Variants in SMPD1 observed in about 807,000 individuals in gnomAD.
SMPD1 encodes the protein sphingomyelin phosphodiesterase.
Under a neutral mutation model 49.7 loss-of-function variants are expected in SMPD1, and 47 were observed. The observed-to-expected ratio is 0.95, with a 90% CI of 0.75 to 1.21. SMPD1 has a LOEUF of 1.21. SMPD1 is among the 50% of genes most tolerant of loss of function. SMPD1 has a pLI of 0.00. For synonymous variants in SMPD1, 336 were observed against 339.6 expected (o/e 0.99, Z 0.12); for missense variants, 811 against 822.2 (o/e 0.99, Z 0.17).
chr11:6,393,279 T>C lies in SMPD1; in HGVS notation c.1155T>C (p.Asn385=), dbSNP rs1419972709. 6.2e-7 allele frequency: 1 copy of C among 1,613,906 alleles called. No homozygotes were observed. Among genetic ancestry groups the C allele is most frequent in the Non-Finnish European group, 8.5e-7 (1 of 1,179,830 alleles). The change falls in exon 3 of 6, where the codon AAT becomes AAC. Residue 385 remains asparagine (N), a synonymous_variant. Transcript: ENST00000342245. ...TCCGCCTCATCTCTCTCAATATGAATTTTTGTTCCCGTGAGAACTTCTGGC... is the reference window on the plus strand; with the variant it reads ...TCCGCCTCATCTCTCTCAATATGAACTTTTGTTCCCGTGAGAACTTCTGGC... ...PGLRLISLNM[N]FCSRENFWLL...
chr11:6,393,412 G>A (rs778259545), intron 3 of SMPD1, 25 bp downstream of exon 3: 3 of 1,604,236 alleles, frequency 1.9e-6, no homozygotes, highest in South Asian at 1.1e-5. Context: ...TGGGAACACG[G>A]TGGTGCTGGG....
At chr11:6,391,313 T>G in intron 1 of SMPD1, 71 bp from the exon 2 acceptor site, 1 of 1,500,404 alleles carries the variant, frequency 6.7e-7, no homozygotes, top group African/African-American at 1.4e-5. Flanking sequence ...GCCCAAGGGG[T>G]GGTGGCCAGG....
Position 6,390,908 on chromosome 11 carries a change from G to T in SMPD1, c.310G>T (p.Gly104Trp), listed in dbSNP as rs527767942. The change falls in exon 1 of 6, where the codon GGG becomes TGG. Residue 104 changes from glycine (G) to tryptophan (W), a missense_variant. Physicochemically the swap from Gly to Trp is radical, Grantham distance 184 (BLOSUM62 -2). Coordinates refer to ENST00000342245, the MANE Select transcript of SMPD1 (RefSeq NM_000543.5). ...CKGLFTAINL[G>W]LKKEPNVARV... Reference sequence around the variant, plus strand: ...AGGTCTATTCACCGCCATCAACCTCGGGCTGAAGGTGAGCACTGAAGGGGC... The same window carrying T: ...AGGTCTATTCACCGCCATCAACCTCTGGCTGAAGGTGAGCACTGAAGGGGC... 2.5e-6 allele frequency: 4 copies of T among 1,614,126 alleles called. No homozygotes were observed. The highest frequency in any genetic ancestry group is 1.1e-5 in the South Asian group (1 of 91,078).
intron 3 of SMPD1, 78 bp downstream of exon 3, chr11:6,393,465 G>A: frequency 2.6e-6 from 4 of 1,525,428 alleles, no homozygotes; most frequent in Non-Finnish European, 3.6e-6. Context: ...TCTGGGCACA[G>A]AAGTTTTATT....
In SMPD1 at chr11:6,390,753, C is replaced by G. The variant is rs778362370; in HGVS notation, c.155C>G (p.Ser52Cys). Reference protein sequence around the residue: ...ALALALALSDSRVLWAPAEAH... With the variant: ...ALALALALSDCRVLWAPAEAH... ...GCGCTGGCGCTGGCTCTGTCTGACT[C>G]TCGGGTTCTCTGGGCTCCGGCAGAG... The change falls in exon 1 of 6, where the codon TCT becomes TGT. Residue 52 changes from serine to cysteine, a missense_variant. Transcript: ENST00000342245. 6.2e-7 allele frequency: 1 copy of G among 1,614,082 alleles called. No homozygotes were observed. The highest frequency in any genetic ancestry group is 1.1e-5 in the South Asian group (1 of 91,090).
rs147607780 is a variant in SMPD1 at position 6,391,588 on chromosome 11, T to A, written c.523T>A (p.Ser175Thr). 6.2e-7 allele frequency: 1 copy of A among 1,610,832 alleles called. No individual in the cohort carries two copies. The highest frequency in any genetic ancestry group is 1.7e-5 in the Admixed American group (1 of 59,644). ...CTGTGGGCACTGGGACATTTTCTCA[T>A]CTTGGAACATCTCTTTGCCTACTGT... is the stretch of plus-strand genomic sequence containing the variant. ...STCGHWDIFS[S>T]WNISLPTVPK... The change falls in exon 2 of 6, where the codon TCT becomes ACT. Residue 175 changes from serine to threonine, a missense_variant. Physicochemically the swap from Ser to Thr is moderately conservative, Grantham distance 58. Transcript: ENST00000342245.
Position 6,393,215 on chromosome 11 carries a change from G to A in SMPD1, c.1092-1G>A. Reference sequence around the variant, plus strand: ...GACCTCTCATGTTTACTTTGTTTCAGAATTGGGGGGTTCTATGCTCTTTCC... The same window carrying A: ...GACCTCTCATGTTTACTTTGTTTCAAAATTGGGGGGTTCTATGCTCTTTCC... On this transcript the variant is annotated splice_acceptor_variant, in intron 2 of 5. Coordinates refer to ENST00000342245, the MANE Select transcript of SMPD1 (RefSeq NM_000543.5). LOFTEE classifies it high-confidence loss of function. 6.2e-7 allele frequency: 1 copy of A among 1,613,656 alleles called. No homozygotes were observed. Among genetic ancestry groups the A allele is most frequent in the South Asian group, 1.1e-5 (1 of 91,036 alleles).
rs532212158 is a variant in SMPD1, at chr11:6,392,553, A to G, written c.1091+397A>G. Among the ~76,000 whole-genome samples the G allele has an allele frequency of 9.2e-5, 11 of 119,828 alleles. 1 individual carries two copies. The highest frequency in any genetic ancestry group is 0.014 in the Middle Eastern group (2 of 142). The allele number at this position is 119,828 out of a possible 152,430, so 78.6% of individuals were successfully genotyped here. ...TGCTCTGTTGCCCAGGCTGGAGTGC[A>G]GTGGCACCATCTCAGCTCACTACAG... is the stretch of plus-strand genomic sequence containing the variant. On this transcript the variant is annotated intron_variant, in intron 2 of 5. Transcript: ENST00000342245.
intron 2 of SMPD1, 28 bp downstream of exon 2, chr11:6,392,184 A>G (rs772238207): frequency 6.2e-7 from 1 of 1,614,026 alleles, no homozygotes; most frequent in Non-Finnish European, 8.5e-7. Context: ...AAACCCAGGA[A>G]GGGAAAAGAA....
At chr11:6,391,232 T>C (rs1847894059) in intron 1 of SMPD1, 152 bp from the exon 2 acceptor site, 1 of 790,394 alleles carries the variant, frequency 1.3e-6, no homozygotes, top group Non-Finnish European at 2.1e-6. Context: ...TACAGGGCAA[T>C]ATCTGGAAGG....
At position 6,394,489 on chromosome 11, in the gene SMPD1, C is replaced by T; in HGVS notation, c.1778C>T (p.Ala593Val). The change falls in exon 6 of 6, where the codon GCT becomes GTT. Residue 593 changes from alanine to valine, a missense_variant. Physicochemically the swap from Ala to Val is moderately conservative, Grantham distance 64. Transcript: ENST00000342245. ...SEPCGTPCRL[A>V]TLCAQLSARA... ...CCCTGTGGCACGCCCTGCCGTCTGG[C>T]TACTCTTTGTGCCCAGCTCTCTGCC... 1 of 1,613,748 alleles carries T rather than the reference C, an allele frequency of 6.2e-7. No individual in the cohort carries two copies. Among genetic ancestry groups the T allele is most frequent in the Non-Finnish European group, 8.5e-7 (1 of 1,180,020 alleles).
rs1363270747 is a variant in SMPD1, at chr11:6,393,613, C to T, written c.1264-4C>T. ...TGATTACCATCCTTAATTCTCCCTA[C>T]TAGGTGCATATAATTGGCCACATTC... is the stretch of plus-strand genomic sequence containing the variant. On this transcript the variant is annotated splice_polypyrimidine_tract_variant and splice_region_variant and intron_variant, in intron 3 of 5. Transcript: ENST00000342245. 6.2e-7 allele frequency: 1 copy of T among 1,610,424 alleles called. No individual in the cohort carries two copies. The highest frequency in any genetic ancestry group is 1.7e-5 in the Admixed American group (1 of 60,000).
In SMPD1 at chr11:6,391,720, A is replaced by C. The variant is rs1171708908; in HGVS notation, c.655A>C (p.Thr219Pro). The change falls in exon 2 of 6, where the codon ACG (threonine) becomes CCG (proline). Residue 219 changes from threonine to proline, a missense_variant. Physicochemically the swap from Thr to Pro is conservative, Grantham distance 38. Transcript: ENST00000342245. ...CTGGGATCATGACTACCTGGAGGGC[A>C]CGGACCCTGACTGTGCAGACCCACT... ...LHWDHDYLEG[T>P]DPDCADPLCC... The C allele has an allele frequency of 6.6e-7, 1 of 1,505,974 alleles. No homozygotes were observed. Among genetic ancestry groups the C allele is most frequent in the Non-Finnish European group, 9.0e-7 (1 of 1,114,774 alleles). 93.3% of individuals were successfully genotyped at this position (1,505,974 alleles called of 1,614,324 possible).
Position 6,392,140 on chromosome 11 carries a change from GCCCTGCGCACCCTCA to G in SMPD1, c.1076_1090del (p.Ala359_Arg364delinsGly). 1 of 1,614,174 alleles carries G rather than the reference GCCCTGCGCACCCTCA, an allele frequency of 6.2e-7. No homozygotes were observed. ...TTGGGAGCCCTGGCTGCCTGCCGAA[GCCCTGCGCACCCTCA>G]GGTACTTATCGTCCGTGGAAACCCA... On this transcript the variant is annotated inframe_deletion and splice_region_variant, in exon 2 of 6. Transcript: ENST00000342245.
In SMPD1 at chr11:6,390,559, G is replaced by T; in HGVS notation, c.-40G>T. 6 of 1,598,470 alleles carry T rather than the reference G, an allele frequency of 3.8e-6. No homozygotes were observed. Among genetic ancestry groups the T allele is most frequent in the Non-Finnish European group, 5.1e-6 (6 of 1,173,890 alleles). ...GCTGGCTAGGGTCCAGGCCGGGGGG[G>T]ACGGGACAGACGAACCAGCCCCGTG... On this transcript the variant is annotated 5_prime_UTR_variant, in exon 1 of 6. Transcript: ENST00000342245.
chr11:6,394,066 C>A (rs529488218), intron 5 of SMPD1, 25 bp downstream of exon 5: 23 of 1,614,102 alleles, frequency 1.4e-5, no homozygotes, highest in Middle Eastern at 1.6e-4. Context: ...AGGGAGCCTC[C>A]CTTATCCTGG....
chr11:6,391,478 A>C lies in SMPD1; in HGVS notation c.413A>C (p.His138Pro), dbSNP rs1847904955. ...CCTGCCGTGTGCCAATCCATTGTCC[A>C]CCTCTTTGAGGATGACATGGTGGAG... ...APPAVCQSIV[H>P]LFEDDMVEVW... The change falls in exon 2 of 6, where the codon CAC (histidine) becomes CCC (proline). Residue 138 changes from histidine to proline, a missense_variant. By Grantham distance (77) the His-to-Pro change is moderately conservative. Coordinates refer to ENST00000342245, the MANE Select transcript of SMPD1 (RefSeq NM_000543.5). 1 of 1,613,806 alleles carries C rather than the reference A, an allele frequency of 6.2e-7. No individual in the cohort carries two copies. Among genetic ancestry groups the C allele is most frequent in the Non-Finnish European group, 8.5e-7 (1 of 1,179,964 alleles).
At position 6,394,122 on chromosome 11, in the gene SMPD1, C is replaced by T. The variant is rs557306773; in HGVS notation, c.1487-76C>T. ...GAGGTTGGAGCCAGAGCCTGCAAAGCATGGGCAGGATGTGTGGCCCCTCCC... is the reference window on the plus strand; with the variant it reads ...GAGGTTGGAGCCAGAGCCTGCAAAGTATGGGCAGGATGTGTGGCCCCTCCC... On this transcript the variant is annotated intron_variant, in intron 5 of 5. Transcript: ENST00000342245. 3.6e-4 allele frequency: 582 copies of T among 1,612,858 alleles called. 1 individual carries two copies. In the African/African-American group the frequency reaches 7.0e-3, roughly 19 times the overall value.
intron 3 of SMPD1, 66 bp downstream of exon 3, chr11:6,393,453 C>A: frequency 6.5e-7 from 1 of 1,539,160 alleles, no homozygotes; most frequent in Non-Finnish European, 8.9e-7. Flanking sequence ...AGCTGGAGCA[C>A]CTCTGGGCAC....
Sources: gnomAD v4.1 joint callset for allele counts (sites outside exome capture counted in the v4.1 genomes callset) on GRCh38, gnomAD v4.1.1 for gene constraint, MANE v1.5 for transcripts, NCBI Gene and HGNC (gene_info 2026-07-23, HGNC 2026-07-21) for gene names.